TANGO6: variants seen among roughly 807,000 people sequenced by gnomAD.
The protein encoded by TANGO6 is transport and Golgi organization protein 6 homolog.
Under a neutral mutation model 114.2 loss-of-function variants are expected in TANGO6, and 90 were observed. The ratio of observed to expected loss-of-function variants is 0.79; its 90% confidence interval spans 0.66 to 0.94. The LOEUF (loss-of-function observed/expected upper bound fraction) is 0.94. TANGO6 is among the 40% of genes least tolerant of loss of function. The pLI is 0.00. For synonymous variants in TANGO6, 477 were observed against 509.8 expected (o/e 0.94, Z 0.87); for missense variants, 1,274 against 1,315.3 (o/e 0.97, Z 0.49).
chr16:68,950,430 G>T (rs780275021), intron 14 of TANGO6, among the ~76,000 whole-genome samples: 2 of 152,118 alleles, frequency 1.3e-5, no homozygotes, highest in Non-Finnish European at 2.9e-5. Flanking sequence ...GCTGGGCATA[G>T]TATGGGTTCC....
At chr16:69,011,213 G>T (rs1438409945) in intron 15 of TANGO6, among the ~76,000 whole-genome samples, 1 of 152,142 alleles carries the variant, frequency 6.6e-6, no homozygotes. Flanking sequence ...AGTTAGGAAT[G>T]GTTTTGTCTG....
Position 68,919,183 on chromosome 16 carries a change from G to A in TANGO6, c.2091G>A (p.Met697Ile), listed in dbSNP as rs776642036. ...AATCACAGACGCTGAGCATGTCCAT[G>A]GGGCTGGTGGCTGTCATGCTAGGAG... ...TVESQTLSMSMGLVAVMLGGA... is the reference protein window; with the variant it reads ...TVESQTLSMSIGLVAVMLGGA... Residue 697 changes from methionine (M) to isoleucine (I), a missense_variant, in exon 12 of 18, where the codon ATG (methionine) becomes ATA (isoleucine). By Grantham distance (10) the Met-to-Ile change is conservative (BLOSUM62 1). Around this residue, in one of 5 missense-constraint regions of TANGO6, gnomAD observed 908 missense variants for 910.2 expected, o/e 1.00. Coordinates refer to ENST00000261778, the MANE Select transcript of TANGO6 (RefSeq NM_024562.2). 30 of 1,612,852 alleles carry A rather than the reference G, an allele frequency of 1.9e-5. No homozygotes were observed. In the East Asian group the frequency reaches 6.5e-4, roughly 35 times the overall value.
At chr16:68,904,628 T>A (rs1169791032) in intron 9 of TANGO6, among the ~76,000 whole-genome samples, 1 of 152,096 alleles carries the variant, frequency 6.6e-6, no homozygotes, top group Non-Finnish European at 1.5e-5. Context: ...TCTGAAAAAA[T>A]TTTATGTCAT....
chr16:69,007,286 T>TC (rs1490780660), intron 15 of TANGO6: 1 of 144,476 alleles, frequency 6.9e-6, no homozygotes. Flanking sequence ...TTTTTTTTTT[T>TC]CGAGACTGAG....
At chr16:68,879,997 G>A (rs1343099565) in intron 6 of TANGO6, among the ~76,000 whole-genome samples, 4 of 150,952 alleles carry the variant, frequency 2.6e-5, no homozygotes, top group Non-Finnish European at 5.9e-5. Flanking sequence ...TTTTGAGACA[G>A]AGTCTCACTC....
intron 17 of TANGO6, among the ~76,000 whole-genome samples, chr16:69,079,245 G>C (rs1040765598): frequency 6.6e-6 from 1 of 151,778 alleles, no homozygotes. Flanking sequence ...CAAGAGAATC[G>C]CTTGAACCCG....
rs1963055175 is a variant in TANGO6 at position 68,919,232 on chromosome 16, C to T, written c.2127+13C>T. ...AGGAGCTGTTCAGGTGAGTTGTAGA[C>T]ATGAGGCAAGCTTGAATGGAGGGAA... On this transcript the variant is annotated intron_variant, in intron 12 of 17. Transcript: ENST00000261778. 1.2e-6 allele frequency: 2 copies of T among 1,610,956 alleles called. No homozygotes were observed. The highest frequency in any genetic ancestry group is 1.7e-6 in the Non-Finnish European group (2 of 1,178,908).
chr16:68,950,942 T>C (rs1366269575), intron 14 of TANGO6, among the ~76,000 whole-genome samples: 1 of 151,968 alleles, frequency 6.6e-6, no homozygotes, highest in East Asian at 1.9e-4. Context: ...CTCTCAGGAC[T>C]ATGAAAGATG....
chr16:69,083,465 T>C lies in TANGO6; in HGVS notation c.3109-20T>C. The stretch of plus-strand genomic sequence containing the variant: ...TGCCGGCACAGTAGACAGGCGGTCA[T>C]GGCTGTCTCTCTCATGCAGGTGCTG... On this transcript the variant is annotated intron_variant, in intron 17 of 17. Coordinates refer to ENST00000261778, the MANE Select transcript of TANGO6 (RefSeq NM_024562.2). 2 of 1,597,924 alleles carry C rather than the reference T, an allele frequency of 1.3e-6. No individual in the cohort carries two copies. Among genetic ancestry groups the C allele is most frequent in the Non-Finnish European group, 1.7e-6 (2 of 1,171,054 alleles).
chr16:68,944,711 C>T (rs1181608839), intron 14 of TANGO6, among the ~76,000 whole-genome samples: 1 of 152,184 alleles, frequency 6.6e-6, no homozygotes, highest in Admixed American at 6.5e-5. Context: ...TGATTTTTCC[C>T]AAGGTGAGTC....
intron 12 of TANGO6, among the ~76,000 whole-genome samples, chr16:68,924,729 G>T (rs1156547784): frequency 2.6e-5 from 4 of 151,928 alleles, no homozygotes; most frequent in African/African-American, 9.7e-5. Context: ...GGCGGAGGAT[G>T]CAGTGAGCTG....
At chr16:68,850,388 CATATATAA>C (rs1160106601) in intron 1 of TANGO6, among the ~76,000 whole-genome samples, 1 of 152,120 alleles carries the variant, frequency 6.6e-6, no homozygotes, top group African/African-American at 2.4e-5. Flanking sequence ...CATACCCATA[CATATATAA>C]ATATATAATC....
At chr16:68,927,079 T>C (rs10500547) in intron 12 of TANGO6, 26,644 of 155,788 alleles carry the variant, frequency 0.17, 2,571 homozygotes, top group African/African-American at 0.26. Flanking sequence ...CCGTTTTCTC[T>C]GTGATCCCTT....
At chr16:68,890,298 TGTATGGG>T (rs1307440264) in intron 7 of TANGO6, among the ~76,000 whole-genome samples, 1 of 152,224 alleles carries the variant, frequency 6.6e-6, no homozygotes, top group African/African-American at 2.4e-5. Flanking sequence ...ATCTAACATT[TGTATGGG>T]GTATATATTT....
intron 1 of TANGO6, among the ~76,000 whole-genome samples, chr16:68,852,714 T>G (rs777421990): frequency 7.9e-5 from 12 of 151,916 alleles, no homozygotes; most frequent in Non-Finnish European, 1.8e-4. Flanking sequence ...GCAACTGTGG[T>G]CCCAGCTACT....
At chr16:69,074,891 A>G (rs1317157740) in intron 17 of TANGO6, among the ~76,000 whole-genome samples, 3 of 151,024 alleles carry the variant, frequency 2.0e-5, no homozygotes, top group Non-Finnish European at 2.9e-5. Context: ...CCTATTGCCC[A>G]GGCTAGTGTG....
chr16:68,983,243 C>T (rs1963857455), intron 15 of TANGO6, among the ~76,000 whole-genome samples: 1 of 152,172 alleles, frequency 6.6e-6, no homozygotes, highest in South Asian at 2.1e-4. Flanking sequence ...CACCTCTGCC[C>T]ATAGTAACAC....
rs186798198 is a variant in TANGO6, at chr16:68,848,772, A to G, written c.94+5061A>G. Among the ~76,000 whole-genome samples, 326 of 152,254 alleles carry G rather than the reference A, an allele frequency of 2.1e-3. 1 individual carries two copies. Among genetic ancestry groups the G allele is most frequent in the Admixed American group, 4.8e-3 (73 of 15,282 alleles). On this transcript the variant is annotated intron_variant, in intron 1 of 17. Transcript: ENST00000261778. ...ATGAAGTGATCTTTTTTGTTGTATT[A>G]TGAATCATAGATTTTATGTATTTGA...
chr16:68,971,933 G>A (rs1567550964), intron 14 of TANGO6, among the ~76,000 whole-genome samples: 1 of 151,890 alleles, frequency 6.6e-6, no homozygotes, highest in South Asian at 2.1e-4. Context: ...GCGCCCAGCC[G>A]ATGCAGACAT....
Sources: allele counts gnomAD v4.1 joint callset (sites outside exome capture counted in the v4.1 genomes callset), GRCh38; gene constraint gnomAD v4.1.1; regional missense constraint gnomAD v4.1.1; transcripts MANE v1.5; gene names NCBI Gene and HGNC (gene_info 2026-07-23, HGNC 2026-07-21).